Variants in CCDC82 observed in about 807,000 individuals in gnomAD.
CCDC82 encodes the protein coiled-coil domain-containing protein 82.
CCDC82 carries 47 observed loss-of-function variants against 60.6 expected under a neutral mutation model. That is an observed-to-expected ratio of 0.77 (90% CI 0.61 to 0.99). The LOEUF (loss-of-function observed/expected upper bound fraction) is 0.99. CCDC82 is among the 50% of genes least tolerant of loss of function. The pLI is 0.00. For synonymous variants in CCDC82, 212 were observed against 207.4 expected (o/e 1.02, Z -0.19); for missense variants, 588 against 633.0 (o/e 0.93, Z 0.76).
At chr11:96,356,438 G>A in intron 9 of CCDC82, 1 of 985,132 alleles carries the variant, frequency 1.0e-6, no homozygotes, top group South Asian at 4.7e-5. Flanking sequence ...GTATGAATGG[G>A]CATCTGATAC....
rs562612973 is a variant in CCDC82, at chr11:96,376,083, T to C, written c.992-2616A>G. Among the ~76,000 whole-genome samples the C allele has an allele frequency of 2.0e-5, 3 of 152,330 alleles. 1 individual carries two copies. The South Asian group carries it at 6.2e-4, about 32-fold the overall frequency. ...AAAAAGTATTAAAGAGGAAACTATA[T>C]TTGTGTTTATGCATAACTTATTTTT... On this transcript the variant is annotated intron_variant, in intron 5 of 9. Transcript: ENST00000646818.
rs776916861 is a variant in CCDC82 at position 96,384,699 on chromosome 11, C to T, written c.49G>A (p.Val17Met). The T allele has an allele frequency of 5.2e-5, 83 of 1,611,352 alleles. No individual in the cohort carries two copies. The highest frequency in any genetic ancestry group is 1.2e-4 in the Admixed American group (7 of 59,548). Residue 17 changes from valine (V) to methionine (M), a missense_variant, in exon 4 of 10, where the codon GTG becomes ATG. By Grantham distance (21) the Val-to-Met change is conservative (BLOSUM62 1). Transcript: ENST00000646818. ...HETRRNSKSHVPEQKSRVDWR... is the reference protein window; with the variant it reads ...HETRRNSKSHMPEQKSRVDWR... Reference sequence around the variant, plus strand: ...TCAACTCGAGATTTCTGCTCAGGCACGTGACTCTTAGAATTTCTCCTTGTT... The same window carrying T: ...TCAACTCGAGATTTCTGCTCAGGCATGTGACTCTTAGAATTTCTCCTTGTT...
chr11:96,384,711 A>G lies in CCDC82; in HGVS notation c.37T>C (p.Ser13Pro), dbSNP rs767039700. The change falls in exon 4 of 10, where the codon TCT (serine) becomes CCT (proline). Residue 13 changes from serine to proline, a missense_variant. Transcript: ENST00000646818. Reference sequence around the variant, plus strand: ...TTCTGCTCAGGCACGTGACTCTTAGAATTTCTCCTTGTTTCATGTCTTCTA... The same window carrying G: ...TTCTGCTCAGGCACGTGACTCTTAGGATTTCTCCTTGTTTCATGTCTTCTA... ...HVRRHETRRN[S>P]KSHVPEQKSR... 6.2e-7 allele frequency: 1 copy of G among 1,609,008 alleles called. No homozygotes were observed. The highest frequency in any genetic ancestry group is 1.7e-5 in the Admixed American group (1 of 58,998).
intron 8 of CCDC82, 140 bp from the exon 9 acceptor site, chr11:96,359,318 T>G: frequency 1.5e-6 from 1 of 664,542 alleles, no homozygotes; most frequent in Non-Finnish European, 2.4e-6. Context: ...CTCTTACTTA[T>G]ACAACTAGTC....
intron 5 of CCDC82, among the ~76,000 whole-genome samples, chr11:96,379,334 T>C (rs1449014121): frequency 6.6e-6 from 1 of 151,896 alleles, no homozygotes; most frequent in Non-Finnish European, 1.5e-5. Flanking sequence ...TCATAAATTA[T>C]CACTCTAGAA....
chr11:96,377,194 C>T (rs1865620772), intron 5 of CCDC82, among the ~76,000 whole-genome samples: 2 of 152,184 alleles, frequency 1.3e-5, no homozygotes, highest in South Asian at 4.1e-4. Flanking sequence ...TCTACTTTAA[C>T]ATATCTCCCC....
intron 7 of CCDC82, among the ~76,000 whole-genome samples, chr11:96,365,939 G>A (rs1864922763): frequency 1.3e-5 from 2 of 152,302 alleles, no homozygotes; most frequent in South Asian, 4.1e-4. Flanking sequence ...CAGACGGATG[G>A]TAATTAAGTA....
chr11:96,362,206 G>C (rs1864696751), intron 8 of CCDC82, among the ~76,000 whole-genome samples: 4 of 152,200 alleles, frequency 2.6e-5, no homozygotes, highest in Admixed American at 2.6e-4. Flanking sequence ...GGCAGACTTG[G>C]TAATATTTAG....
intron 6 of CCDC82, among the ~76,000 whole-genome samples, chr11:96,371,993 TTAAA>T (rs1181750337): frequency 2.0e-5 from 3 of 152,184 alleles, no homozygotes; most frequent in African/African-American, 7.2e-5. Context: ...TCATGTTTCT[TTAAA>T]TAATCACAAA....
intron 4 of CCDC82, 56 bp from the exon 5 acceptor site, chr11:96,383,529 C>T (rs184164416): frequency 1.5e-5 from 17 of 1,106,192 alleles, no homozygotes; most frequent in Admixed American, 9.9e-5. Flanking sequence ...CGGTAAGCAT[C>T]GATATAAAAT....
chr11:96,374,569 G>A (rs1348909392), intron 5 of CCDC82, among the ~76,000 whole-genome samples: 1 of 152,076 alleles, frequency 6.6e-6, no homozygotes, highest in Non-Finnish European at 1.5e-5. Flanking sequence ...ATGATCAAAG[G>A]CAATAATCAT....
At chr11:96,368,316 G>A (rs917629737) in intron 7 of CCDC82, among the ~76,000 whole-genome samples, 2 of 151,992 alleles carry the variant, frequency 1.3e-5, no homozygotes, top group East Asian at 1.9e-4. Flanking sequence ...CTGAGTAGTA[G>A]GTCTTAACAG....
At chr11:96,354,741 C>G (rs1478028833) in intron 9 of CCDC82, 1 of 152,012 alleles carries the variant, frequency 6.6e-6, no homozygotes, top group African/African-American at 2.4e-5. Flanking sequence ...GTTGTTTGTG[C>G]GAGGGAAAGA....
rs1162652416 is a variant in CCDC82 at position 96,365,073 on chromosome 11, C to G, written c.1287G>C (p.Leu429=). The part of the protein sequence containing the change: ...PENCSCQACG[L]HRYCKYSVHL... ...GCACTGAATATTTACAGTAGCGATG[C>G]AGTCCACAAGCCTGGCAGGAACAGT... The change falls in exon 8 of 10, where the codon CTG becomes CTC. Residue 429 remains leucine, a synonymous_variant. Coordinates refer to ENST00000646818, the MANE Select transcript of CCDC82 (RefSeq NM_024725.4). 6.2e-7 allele frequency: 1 copy of G among 1,609,284 alleles called. No homozygotes were observed. Among genetic ancestry groups the G allele is most frequent in the Non-Finnish European group, 8.5e-7 (1 of 1,177,496 alleles).
intron 7 of CCDC82, among the ~76,000 whole-genome samples, chr11:96,369,536 A>T (rs926125018): frequency 1.3e-5 from 2 of 152,188 alleles, no homozygotes; most frequent in Non-Finnish European, 2.9e-5. Context: ...AGATGGGAAA[A>T]CAGCCAGTTG....
chr11:96,361,255 T>G (rs1303755119), intron 8 of CCDC82, among the ~76,000 whole-genome samples: 1 of 152,226 alleles, frequency 6.6e-6, no homozygotes, highest in Admixed American at 6.5e-5. Context: ...TCTTTCACAT[T>G]TATTCTGTAT....
At chr11:96,362,868 T>C (rs181099961) in intron 8 of CCDC82, among the ~76,000 whole-genome samples, 1 of 152,308 alleles carries the variant, frequency 6.6e-6, no homozygotes, top group East Asian at 1.9e-4. Flanking sequence ...AGTTAATGTC[T>C]CAATTTTATG....
chr11:96,384,245 A>G lies in CCDC82; in HGVS notation c.503T>C (p.Ile168Thr). The G allele has an allele frequency of 1.2e-6, 2 of 1,613,348 alleles. No individual in the cohort carries two copies. Among genetic ancestry groups the G allele is most frequent in the South Asian group, 1.1e-5 (1 of 91,044 alleles). Residue 168 changes from isoleucine (I) to threonine (T), a missense_variant, in exon 4 of 10, where the codon ATA becomes ACA. Coordinates refer to ENST00000646818, the MANE Select transcript of CCDC82 (RefSeq NM_024725.4). ...NDLNKQTGQI[I>T]EDDLEEEDIK... ...GTCTTCTTCTTCTAAATCATCCTCT[A>G]TTATTTGTCCAGTTTGTTTGTTGAG...
intron 7 of CCDC82, among the ~76,000 whole-genome samples, chr11:96,365,823 A>C (rs931092715): frequency 6.6e-6 from 1 of 152,220 alleles, no homozygotes; most frequent in Non-Finnish European, 1.5e-5. Context: ...CCTGTGCTAG[A>C]TACTACTATT....
Sources: allele counts gnomAD v4.1 joint callset (sites outside exome capture counted in the v4.1 genomes callset), GRCh38; gene constraint gnomAD v4.1.1; transcripts MANE v1.5; gene names NCBI Gene and HGNC (gene_info 2026-07-23, HGNC 2026-07-21).